The following WDFY4 variants were observed in gnomAD, a reference collection of about 807,000 sequenced individuals.
WDFY4 encodes WDFY family member 4.
In WDFY4, 169 loss-of-function variants were observed where a neutral mutation model predicts 351.9. That is an observed-to-expected ratio of 0.48 (90% confidence interval 0.42 to 0.55). The LOEUF (loss-of-function observed/expected upper bound fraction) is 0.55. WDFY4 is among the 20% of genes least tolerant of loss of function. WDFY4 has a pLI of 0.00. For missense variants in WDFY4, 3,803 were observed against 3,935.6 expected, an observed-to-expected ratio of 0.97 and a Z score of 0.90; for synonymous variants, 1,622 against 1,574.6, an observed-to-expected ratio of 1.03 and a Z score of -0.71.
At chr10:48,871,127 G>A (rs1365246584) in intron 40 of WDFY4, among the ~76,000 whole-genome samples, 1 of 152,038 alleles carries the variant, frequency 6.6e-6, no homozygotes, top group African/African-American at 2.4e-5. Context: ...AGAAGAGACG[G>A]GGTTTCACCG....
chr10:48,840,804 C>T (rs1179213010), intron 39 of WDFY4, among the ~76,000 whole-genome samples: 1 of 152,212 alleles, frequency 6.6e-6, no homozygotes, highest in East Asian at 1.9e-4. Flanking sequence ...TTAAGTGTCT[C>T]TGGTCTATCA....
chr10:48,943,542 G>A, intron 49 of WDFY4, 93 bp downstream of exon 49: 4 of 1,361,678 alleles, frequency 2.9e-6, no homozygotes, highest in Non-Finnish European at 3.9e-6. Context: ...TCTGCTAGGA[G>A]GTTCCGTCAC....
At chr10:48,934,238 A>G (rs1050835211) in intron 47 of WDFY4, among the ~76,000 whole-genome samples, 4 of 152,236 alleles carry the variant, frequency 2.6e-5, no homozygotes, top group African/African-American at 9.6e-5. Flanking sequence ...AGAATTTATT[A>G]TGTGCCCGAC....
chr10:48,758,315 G>T (rs976003031), intron 12 of WDFY4, among the ~76,000 whole-genome samples: 1 of 152,076 alleles, frequency 6.6e-6, no homozygotes, highest in Non-Finnish European at 1.5e-5. Context: ...GTAATGTGTT[G>T]TTTTTCTCTG....
intron 47 of WDFY4, among the ~76,000 whole-genome samples, chr10:48,924,890 G>A (rs1589909636): frequency 6.6e-6 from 1 of 152,154 alleles, no homozygotes; most frequent in African/African-American, 2.4e-5. Flanking sequence ...GACTGACTTT[G>A]TTTCTATATT....
chr10:48,704,852 A>G (rs1215822829), intron 1 of WDFY4, among the ~76,000 whole-genome samples: 3 of 152,258 alleles, frequency 2.0e-5, no homozygotes, highest in Non-Finnish European at 4.4e-5. Flanking sequence ...GAAGGATTAC[A>G]TGAAGAGATG....
chr10:48,690,995 C>G (rs978848068), intron 1 of WDFY4, among the ~76,000 whole-genome samples: 6 of 152,176 alleles, frequency 3.9e-5, no homozygotes, highest in African/African-American at 1.4e-4. Context: ...AGCCTATCTG[C>G]CCCCTGCTGC....
chr10:48,739,967 T>A (rs2064800404), intron 11 of WDFY4, among the ~76,000 whole-genome samples: 1 of 151,990 alleles, frequency 6.6e-6, no homozygotes, highest in Non-Finnish European at 1.5e-5. Context: ...GGAAGAGGGG[T>A]TTATAGTGGT....
intron 1 of WDFY4, among the ~76,000 whole-genome samples, chr10:48,709,012 C>A (rs923142898): frequency 2.0e-5 from 3 of 151,774 alleles, no homozygotes; most frequent in Non-Finnish European, 2.9e-5. Flanking sequence ...ACAACACCCC[C>A]CCCCCCCAAA....
intron 42 of WDFY4, 60 bp from the exon 43 acceptor site, chr10:48,876,973 C>G (rs1028883160): frequency 7.0e-7 from 1 of 1,422,738 alleles, no homozygotes; most frequent in East Asian, 2.6e-5. Context: ...TGCTGTGCAC[C>G]GGCCCTTACC....
At chr10:48,913,478 G>T (rs746650659) in intron 47 of WDFY4, 3 of 1,595,594 alleles carry the variant, frequency 1.9e-6, no homozygotes, top group Non-Finnish European at 2.6e-6. Context: ...TCGTGGCCAT[G>T]TTCTTGATTC....
chr10:48,725,431 G>T (rs1185797347), intron 5 of WDFY4, among the ~76,000 whole-genome samples: 1 of 152,190 alleles, frequency 6.6e-6, no homozygotes, highest in Non-Finnish European at 1.5e-5. Flanking sequence ...GGGATTGGCG[G>T]GAACAAGGAA....
chr10:48,914,384 T>G (rs372244999), intron 47 of WDFY4, among the ~76,000 whole-genome samples: 1 of 152,324 alleles, frequency 6.6e-6, no homozygotes, highest in South Asian at 2.1e-4. Flanking sequence ...CAGCCATAGA[T>G]TGTCAGCAAA....
Position 48,895,778 on chromosome 10 carries a change from G to C in WDFY4, c.7317-1676G>C, listed in dbSNP as rs566112305. Among the ~76,000 whole-genome samples the C allele has an allele frequency of 1.1e-4, 16 of 152,268 alleles. No homozygotes were observed. In the South Asian group the frequency reaches 2.5e-3, roughly 24 times the overall value. ...CCTCCTCTCTTCTGCTTCTCTGGGA[G>C]GAGGGGTCACTCTGAGATCTTTCTG... is the stretch of plus-strand genomic sequence containing the variant. On this transcript the variant is annotated intron_variant, in intron 44 of 61. Coordinates refer to ENST00000325239, the MANE Select transcript of WDFY4 (RefSeq NM_001394531.1).
At chr10:48,810,056 T>G (rs1436225805) in intron 28 of WDFY4, among the ~76,000 whole-genome samples, 1 of 152,206 alleles carries the variant, frequency 6.6e-6, no homozygotes, top group Non-Finnish European at 1.5e-5. Flanking sequence ...GTTTCTTTTT[T>G]TTTGGTGCTA....
At position 48,806,233 on chromosome 10, in the gene WDFY4, C is replaced by A. The variant is rs1266291921; in HGVS notation, c.4738+138C>A. ...CCAAGCCGTGGTTTCCAAGCCGTGG[C>A]CTGTGAGGCTGTCATTTTATGATGA... On this transcript the variant is annotated intron_variant, in intron 27 of 61. Coordinates refer to ENST00000325239, the MANE Select transcript of WDFY4 (RefSeq NM_001394531.1). The A allele has an allele frequency of 4.1e-6, 3 of 737,280 alleles. No individual in the cohort carries two copies. The African/African-American group carries it at 5.3e-5, about 13-fold the overall frequency. The allele number at this position is 737,280 out of a possible 1,614,324, so 45.7% of individuals were successfully genotyped here.
intron 43 of WDFY4, among the ~76,000 whole-genome samples, chr10:48,883,436 C>T (rs779898096): frequency 6.6e-6 from 1 of 152,060 alleles, no homozygotes; most frequent in Non-Finnish European, 1.5e-5. Context: ...CAGGCTGGTA[C>T]AATTAGCCTA....
chr10:48,754,945 C>T (rs899817301), intron 12 of WDFY4, among the ~76,000 whole-genome samples: 3 of 152,114 alleles, frequency 2.0e-5, no homozygotes, highest in Admixed American at 1.3e-4. Flanking sequence ...TATTTCAATT[C>T]ACATGAAGTA....
chr10:48,720,224 C>G, intron 3 of WDFY4, 99 bp downstream of exon 3: 1 of 1,231,316 alleles, frequency 8.1e-7, no homozygotes, highest in Non-Finnish European at 1.1e-6. Context: ...TCGCGTGGAG[C>G]TACAGTGTTG....
Sources: gnomAD v4.1 joint callset for allele counts (sites outside exome capture counted in the v4.1 genomes callset) on GRCh38, gnomAD v4.1.1 for gene constraint, MANE v1.5 for transcripts, NCBI Gene and HGNC (gene_info 2026-07-23, HGNC 2026-07-21) for gene names.